The following C5AR1 variants were observed in gnomAD, a reference collection of about 807,000 sequenced individuals.
C5AR1 encodes C5a anaphylatoxin chemotactic receptor 1.
C5AR1 carries 4 observed loss-of-function variants against 2.4 expected under a neutral mutation model. The observed-to-expected ratio is 1.65, with a 90% confidence interval of 0.81 to 3.77. The LOEUF (loss-of-function observed/expected upper bound fraction) is 3.77, where lower values mean the gene tolerates loss of function less well. Among genes scored for constraint, C5AR1 ranks in the 30% most tolerant of loss-of-function variants. The pLI, the probability that C5AR1 is intolerant of heterozygous loss-of-function variation, is 0.01. For missense variants in C5AR1, 418 were observed against 462.5 expected (o/e 0.90, Z 0.88); for synonymous variants, 209 against 210.4 (o/e 0.99, Z 0.06).
At chr19:47,311,198 T>C (rs1047472317) in intron 1 of C5AR1, among the ~76,000 whole-genome samples, 1 of 151,900 alleles carries the variant, frequency 6.6e-6, no homozygotes, top group Non-Finnish European at 1.5e-5. Context: ...TTTTCCAAAG[T>C]ACCAAATGAT....
In C5AR1 at chr19:47,320,830, G is replaced by A; in HGVS notation, c.1053G>A (p.Ter351=). Reference sequence around the variant, plus strand: ...TGGCCCAGAAGACCCAGGCAGTGTAGGCGACAGCCTCATGGGCCACTGTGG... The same window carrying A: ...TGGCCCAGAAGACCCAGGCAGTGTAAGCGACAGCCTCATGGGCCACTGTGG... ...DTMAQKTQAV[*] Residue 351 remains the stop codon, a stop_retained_variant, in exon 2 of 2, where the codon TAG becomes TAA. Transcript: ENST00000355085. The surrounding 1 kb of genome is among the most constrained non-coding windows in gnomAD (Gnocchi z 4.9). The A allele has an allele frequency of 6.2e-7, 1 of 1,602,244 alleles. No individual in the cohort carries two copies. Among genetic ancestry groups the A allele is most frequent in the Non-Finnish European group, 8.5e-7 (1 of 1,171,330 alleles).
At chr19:47,317,154 C>T (rs1384176019) in intron 1 of C5AR1, among the ~76,000 whole-genome samples, 1 of 146,302 alleles carries the variant, frequency 6.8e-6, no homozygotes, top group Non-Finnish European at 1.5e-5. Flanking sequence ...GATTGCACCA[C>T]TGCACATAAG....
intron 1 of C5AR1, among the ~76,000 whole-genome samples, chr19:47,311,889 C>T (rs2059272160): frequency 6.6e-6 from 1 of 151,980 alleles, no homozygotes; most frequent in Non-Finnish European, 1.5e-5. Context: ...TCATTGCCTC[C>T]TACCCTACCT....
chr19:47,317,628 G>A (rs1324472715), intron 1 of C5AR1, among the ~76,000 whole-genome samples: 4 of 151,866 alleles, frequency 2.6e-5, no homozygotes, highest in East Asian at 1.9e-4. Context: ...TGTGTCAGGC[G>A]CTGTGCTAGG....
At chr19:47,313,900 G>A (rs1374739348) in intron 1 of C5AR1, among the ~76,000 whole-genome samples, 2 of 152,120 alleles carry the variant, frequency 1.3e-5, no homozygotes, top group East Asian at 3.9e-4. Context: ...GTTGCAACAA[G>A]TAAGTCTCCT....
chr19:47,317,979 CAAAAA>C (rs35762293), intron 1 of C5AR1, among the ~76,000 whole-genome samples: 3 of 134,330 alleles, frequency 2.2e-5, no homozygotes, highest in African/African-American at 8.3e-5. Context: ...GACTCCATCT[CAAAAA>C]AAAAAAAAAA....
At chr19:47,314,698 TATTTTA>T (rs1433482854) in intron 1 of C5AR1, among the ~76,000 whole-genome samples, 1 of 151,752 alleles carries the variant, frequency 6.6e-6, no homozygotes, top group Non-Finnish European at 1.5e-5. Flanking sequence ...GTGTCCAGCC[TATTTTA>T]TTTTTTAGAG....
intron 1 of C5AR1, among the ~76,000 whole-genome samples, chr19:47,314,653 C>T (rs2122133490): frequency 1.3e-5 from 2 of 152,124 alleles, no homozygotes; most frequent in Admixed American, 6.6e-5. Context: ...CCGCCTGGGC[C>T]TCCCAAATTG....
rs774180174 is a variant in C5AR1 at position 47,320,366 on chromosome 19, C to T, written c.589C>T (p.Arg197Trp). The change falls in exon 2 of 2, where the codon CGG becomes TGG. Residue 197 changes from arginine to tryptophan, a missense_variant. Arg to Trp is a moderately radical substitution (Grantham distance 101). Transcript: ENST00000355085. The surrounding 1 kb of genome is among the most constrained non-coding windows in gnomAD (Gnocchi z 4.9). ...LCGVDYSHDK[R>W]RERAVAIVRL... is the part of the protein sequence containing the mutation. ...TGGCGTGGACTACAGCCACGACAAA[C>T]GGCGGGAGCGAGCCGTGGCCATCGT... 31 of 1,609,406 alleles carry T rather than the reference C, an allele frequency of 1.9e-5. No individual in the cohort carries two copies. The Admixed American group carries it at 2.8e-4, about 15-fold the overall frequency.
chr19:47,316,220 C>G (rs1009258437), intron 1 of C5AR1, among the ~76,000 whole-genome samples: 1 of 152,040 alleles, frequency 6.6e-6, no homozygotes, highest in African/African-American at 2.4e-5. Context: ...GTTGGCCAGG[C>G]TGGTCTTGAT....
In C5AR1 at chr19:47,319,840, C is replaced by T. The variant is rs891257245; in HGVS notation, c.63C>T (p.Asp21=). 2 of 1,613,994 alleles carry T rather than the reference C, an allele frequency of 1.2e-6. No individual in the cohort carries two copies. Among genetic ancestry groups the T allele is most frequent in the African/African-American group, 2.7e-5 (2 of 74,926 alleles). ...ACTATGATGACAAGGATACCCTGGA[C>T]CTCAACACCCCTGTGGATAAAACTT... ...YGHYDDKDTL[D]LNTPVDKTSN... The change falls in exon 2 of 2, where the codon GAC becomes GAT. Residue 21 remains aspartate, a synonymous_variant. Coordinates refer to ENST00000355085, the MANE Select transcript of C5AR1 (RefSeq NM_001736.4).
At chr19:47,311,366 T>G (rs1479003303) in intron 1 of C5AR1, among the ~76,000 whole-genome samples, 1 of 151,824 alleles carries the variant, frequency 6.6e-6, no homozygotes, top group Non-Finnish European at 1.5e-5. Context: ...AAAAATTAGC[T>G]GGGCATATAA....
At chr19:47,314,215 A>G (rs898068371) in intron 1 of C5AR1, among the ~76,000 whole-genome samples, 1 of 151,984 alleles carries the variant, frequency 6.6e-6, no homozygotes, top group Non-Finnish European at 1.5e-5. Flanking sequence ...CCTTTGTGCT[A>G]TTGTCACATA....
At chr19:47,312,073 G>C (rs1226953324) in intron 1 of C5AR1, among the ~76,000 whole-genome samples, 1 of 152,074 alleles carries the variant, frequency 6.6e-6, no homozygotes, top group African/African-American at 2.4e-5. Context: ...TGTCCTCTCC[G>C]TGCTTCTGTC....
intron 1 of C5AR1, among the ~76,000 whole-genome samples, chr19:47,315,949 ATCCATCCATCTG>A (rs993694365): frequency 1.3e-5 from 2 of 151,736 alleles, no homozygotes; most frequent in African/African-American, 4.8e-5. Context: ...CCATCCATCC[ATCCATCCATCTG>A]TCCATCGATT....
intron 1 of C5AR1, among the ~76,000 whole-genome samples, chr19:47,317,930 G>A (rs1480187388): frequency 1.3e-5 from 2 of 150,058 alleles, no homozygotes; most frequent in East Asian, 4.0e-4. Context: ...GCAGTGACCC[G>A]AGATCGTGCC....
At position 47,319,980 on chromosome 19, in the gene C5AR1, G is replaced by A. The variant is rs760084026; in HGVS notation, c.203G>A (p.Arg68Gln). 8 of 1,614,222 alleles carry A rather than the reference G, an allele frequency of 5.0e-6. No homozygotes were observed. Among genetic ancestry groups the A allele is most frequent in the South Asian group, 2.2e-5 (2 of 91,086 alleles). Residue 68 changes from arginine (R) to glutamine (Q), a missense_variant, in exon 2 of 2, where the codon CGG becomes CAG. Physicochemically the swap from Arg to Gln is conservative, Grantham distance 43 (BLOSUM62 1). Coordinates refer to ENST00000355085, the MANE Select transcript of C5AR1 (RefSeq NM_001736.4). Reference sequence around the variant, plus strand: ...TGGGTGACGGCATTCGAGGCCAAGCGGACCATCAATGCCATCTGGTTCCTC... The same window carrying A: ...TGGGTGACGGCATTCGAGGCCAAGCAGACCATCAATGCCATCTGGTTCCTC... ...VVWVTAFEAK[R>Q]TINAIWFLNL...
Position 47,320,087 on chromosome 19 carries a change from T to A in C5AR1, c.310T>A (p.Phe104Ile), listed in dbSNP as rs1227241478. Residue 104 changes from phenylalanine to isoleucine, a missense_variant, in exon 2 of 2, where the codon TTT becomes ATT. Transcript: ENST00000355085. The surrounding 1 kb of genome is among the most constrained non-coding windows in gnomAD (Gnocchi z 4.9). ...CATTGTACAGCATCACCACTGGCCC[T>A]TTGGCGGGGCCGCCTGCAGCATCCT... ...TSIVQHHHWP[F>I]GGAACSILPS... 1 of 1,614,186 alleles carries A rather than the reference T, an allele frequency of 6.2e-7. No homozygotes were observed. Among genetic ancestry groups the A allele is most frequent in the Non-Finnish European group, 8.5e-7 (1 of 1,180,042 alleles).
intron 1 of C5AR1, among the ~76,000 whole-genome samples, chr19:47,316,827 C>T (rs2059290628): frequency 6.6e-6 from 1 of 151,670 alleles, no homozygotes; most frequent in Non-Finnish European, 1.5e-5. Context: ...AGTAAATGCC[C>T]ACTGCCCATA....
Sources: allele counts gnomAD v4.1 joint callset (sites outside exome capture counted in the v4.1 genomes callset), GRCh38; gene constraint gnomAD v4.1.1; non-coding constraint Gnocchi (gnomAD v3.1); transcripts MANE v1.5; gene names NCBI Gene and HGNC (gene_info 2026-07-23, HGNC 2026-07-21).